SLC15A1: variants seen among roughly 807,000 people sequenced by gnomAD.
SLC15A1 encodes solute carrier family 15 member 1.
A neutral mutation model predicts 92.9 loss-of-function variants in SLC15A1; 83 were observed. The observed-to-expected ratio is 0.89, with a 90% CI of 0.75 to 1.07. The LOEUF (loss-of-function observed/expected upper bound fraction) is 1.07. Ranked by LOEUF, SLC15A1 falls within the 50% of genes least tolerant of loss-of-function variation. SLC15A1 has a pLI of 0.00. For synonymous variants in SLC15A1, 322 were observed against 318.2 expected (o/e 1.01, Z -0.13); for missense variants, 857 against 880.1 (o/e 0.97, Z 0.33).
chr13:98,686,480 T>C (rs2087930497), intron 21 of SLC15A1, among the ~76,000 whole-genome samples, 183 bp from the exon 22 acceptor site: 1 of 152,062 alleles, frequency 6.6e-6, no homozygotes, highest in Admixed American at 6.6e-5. Context: ...CACAGACGAG[T>C]AGACAAGAAT....
intron 11 of SLC15A1, among the ~76,000 whole-genome samples, chr13:98,710,897 C>T (rs2088156954): frequency 6.6e-6 from 1 of 150,806 alleles, no homozygotes; most frequent in Admixed American, 6.6e-5. Context: ...GATGTTCTCA[C>T]ACTGGACCCT....
chr13:98,722,697 C>T (rs1235228073), intron 5 of SLC15A1, among the ~76,000 whole-genome samples: 1 of 152,144 alleles, frequency 6.6e-6, no homozygotes, highest in Non-Finnish European at 1.5e-5. Flanking sequence ...CTTCCTGAAC[C>T]AATCTTCCTG....
intron 5 of SLC15A1, 114 bp downstream of exon 5, chr13:98,723,798 G>A: frequency 6.9e-7 from 1 of 1,443,404 alleles, no homozygotes; most frequent in Non-Finnish European, 9.4e-7. Flanking sequence ...GCCCAAGGGG[G>A]AGGAAAAACC....
chr13:98,747,011 C>A (rs1268578447), intron 1 of SLC15A1, among the ~76,000 whole-genome samples: 3 of 152,142 alleles, frequency 2.0e-5, no homozygotes, highest in African/African-American at 7.2e-5. Context: ...ACCAGAGGGG[C>A]CGAGAGAAGA....
chr13:98,729,580 A>G (rs751303041), intron 1 of SLC15A1, among the ~76,000 whole-genome samples: 10 of 152,220 alleles, frequency 6.6e-5, no homozygotes, highest in Non-Finnish European at 1.0e-4. Context: ...AGCTATCCAG[A>G]GCAGACACCG....
Position 98,709,640 on chromosome 13 carries a change from G to A in SLC15A1, c.999C>T (p.Ile333=), listed in dbSNP as rs146215988. The A allele has an allele frequency of 1.2e-6, 2 of 1,614,156 alleles. No individual in the cohort carries two copies. Among genetic ancestry groups the A allele is most frequent in the South Asian group, 1.1e-5 (1 of 91,068 alleles). Residue 333 remains isoleucine (I), a synonymous_variant, in exon 14 of 23, where the codon ATC becomes ATT. Coordinates refer to ENST00000376503, the MANE Select transcript of SLC15A1 (RefSeq NM_005073.4). The stretch of plus-strand genomic sequence containing the variant: ...CATCGAAGATCGGGACCATGATCAC[G>A]ATCAGGATGGCGTTCACGGTCTGCA... ...DQMQTVNAIL[I]VIMVPIFDAV... is the part of the protein sequence containing the mutation.
intron 14 of SLC15A1, among the ~76,000 whole-genome samples, chr13:98,709,121 C>T (rs1476822678): frequency 8.5e-5 from 13 of 152,168 alleles, no homozygotes; most frequent in African/African-American, 2.2e-4. Flanking sequence ...GTGAGTGCCA[C>T]CACACCCAGC....
chr13:98,687,726 T>C lies in SLC15A1; in HGVS notation c.1684-2A>G, dbSNP rs2139559712. 6.2e-7 allele frequency: 1 copy of C among 1,612,396 alleles called. No homozygotes were observed. Among genetic ancestry groups the C allele is most frequent in the Non-Finnish European group, 8.5e-7 (1 of 1,179,572 alleles). ...CTTCACTTCAGGGCAGCTGTCATTCTGCAGCAGTAAGGCAAAAGCAGAAGA... is the reference window on the plus strand; with the variant it reads ...CTTCACTTCAGGGCAGCTGTCATTCCGCAGCAGTAAGGCAAAAGCAGAAGA... On this transcript the variant is annotated splice_acceptor_variant, in intron 20 of 22. Transcript: ENST00000376503. LOFTEE classifies it high-confidence loss of function.
chr13:98,699,062 G>T (rs970252196), intron 18 of SLC15A1, among the ~76,000 whole-genome samples: 1 of 151,994 alleles, frequency 6.6e-6, no homozygotes, highest in East Asian at 1.9e-4. Flanking sequence ...ATCAGAATAC[G>T]TAGACCCCAA....
At chr13:98,752,563 A>G in intron 1 of SLC15A1, 32 bp downstream of exon 1, 1 of 1,266,728 alleles carries the variant, frequency 7.9e-7, no homozygotes, top group Non-Finnish European at 9.9e-7. Flanking sequence ...CCGAGTCTTT[A>G]GCCCGGCCGG....
At chr13:98,707,898 A>ATTT (rs1566447974) in intron 15 of SLC15A1, among the ~76,000 whole-genome samples, 1,387 of 57,240 alleles carry the variant, frequency 0.024, 41 homozygotes, top group African/African-American at 0.05. Context: ...GTTTAAAAAA[A>ATTT]AAAAAAAAAA....
chr13:98,738,909 G>A (rs1006208065), intron 1 of SLC15A1, among the ~76,000 whole-genome samples: 1 of 152,236 alleles, frequency 6.6e-6, no homozygotes, highest in African/African-American at 2.4e-5. Flanking sequence ...AAAGCCACAG[G>A]CACTCAACAA....
At chr13:98,726,819 T>C (rs528915110) in intron 2 of SLC15A1, 24 bp downstream of exon 2, 3 of 1,608,728 alleles carry the variant, frequency 1.9e-6, no homozygotes, top group East Asian at 2.2e-5. Flanking sequence ...TGAAGATATG[T>C]AGAGAAGGAA....
At chr13:98,724,595 C>T (rs182945827) in intron 4 of SLC15A1, among the ~76,000 whole-genome samples, 11 of 152,128 alleles carry the variant, frequency 7.2e-5, no homozygotes, top group African/African-American at 2.7e-4. Flanking sequence ...CCTTGGCCTC[C>T]CGAGTAGCTA....
rs1237644521 is a variant in SLC15A1 at position 98,752,340 on chromosome 13, G to C, written c.4+255C>G. ...GAATACGAGGATTACAGTGCCCCAC[G>C]GGCGGGCGGGCCAGGATCGCAACCT... is the stretch of plus-strand genomic sequence containing the variant. On this transcript the variant is annotated intron_variant, in intron 1 of 22. Coordinates refer to ENST00000376503, the MANE Select transcript of SLC15A1 (RefSeq NM_005073.4). Among the ~76,000 whole-genome samples the C allele has an allele frequency of 3.3e-5, 5 of 152,134 alleles. 1 individual carries two copies. The highest frequency in any genetic ancestry group is 9.6e-5 in the African/African-American group (4 of 41,534).
intron 18 of SLC15A1, among the ~76,000 whole-genome samples, chr13:98,697,163 C>A (rs2088028719): frequency 6.6e-6 from 1 of 152,188 alleles, no homozygotes; most frequent in Non-Finnish European, 1.5e-5. Context: ...TCGAGTGATG[C>A]TCCTGCCTCA....
intron 1 of SLC15A1, among the ~76,000 whole-genome samples, chr13:98,747,313 T>C (rs2088500929): frequency 6.6e-6 from 1 of 152,188 alleles, no homozygotes; most frequent in African/African-American, 2.4e-5. Context: ...CTGGGACACC[T>C]ACCCACTTTC....
chr13:98,692,466 A>C lies in SLC15A1; in HGVS notation c.1467-3889T>G, dbSNP rs535092315. 5.3e-5 allele frequency among the ~76,000 whole-genome samples: 8 copies of C among 151,980 alleles called. No individual in the cohort carries two copies. The East Asian group carries it at 1.6e-3, about 30-fold the overall frequency. The stretch of plus-strand genomic sequence containing the variant: ...GAGCCACTAAACCCGGTCTTCCTAA[A>C]CTTTCTTATAAGAGTCTTCCAACTT... On this transcript the variant is annotated intron_variant, in intron 18 of 22. Transcript: ENST00000376503.
Position 98,684,592 on chromosome 13 carries a change from T to C in SLC15A1, c.*132A>G. The C allele has an allele frequency of 2.7e-6, 1 of 373,896 alleles. No homozygotes were observed. The highest frequency in any genetic ancestry group is 4.6e-6 in the Non-Finnish European group (1 of 217,242). 23.2% of individuals were successfully genotyped at this position (373,896 alleles called of 1,614,324 possible). On this transcript the variant is annotated 3_prime_UTR_variant, in exon 23 of 23. Transcript: ENST00000376503. ...AAGAAAAGAAAAAGAAAAAAGAAAA[T>C]AGCATTCATGGTTTAGTTCCCAATT...
Sources: allele counts gnomAD v4.1 joint callset (sites outside exome capture counted in the v4.1 genomes callset), GRCh38; gene constraint gnomAD v4.1.1; transcripts MANE v1.5; gene names NCBI Gene and HGNC (gene_info 2026-07-23, HGNC 2026-07-21).